EYA4: variants seen among roughly 807,000 people sequenced by gnomAD.
EYA4 encodes the protein EYA transcriptional coactivator and phosphatase 4.
A neutral mutation model predicts 87.9 loss-of-function variants in EYA4; 31 were observed. The observed-to-expected ratio is 0.35, with a 90% CI of 0.27 to 0.48. The LOEUF (loss-of-function observed/expected upper bound fraction) is 0.48, where lower values mean the gene tolerates loss of function less well. EYA4 is among the 20% of genes least tolerant of loss of function. EYA4 has a pLI of 0.99. For missense variants in EYA4, 678 were observed against 761.4 expected, an observed-to-expected ratio of 0.89 and a Z score of 1.29; for synonymous variants, 263 against 270.6, an observed-to-expected ratio of 0.97 and a Z score of 0.28.
rs1794586746 is a variant in EYA4 at position 133,463,493 on chromosome 6, T to C, written c.724+729T>C. 1.3e-5 allele frequency among the ~76,000 whole-genome samples: 2 copies of C among 151,874 alleles called. 1 individual carries two copies. The highest frequency in any genetic ancestry group is 4.2e-4 in the South Asian group (2 of 4,818). On this transcript the variant is annotated intron_variant, in intron 9 of 19. Transcript: ENST00000355286. The stretch of plus-strand genomic sequence containing the variant: ...CTCCTGCCTCAGCCTCCTGAGTAGC[T>C]GGGATTACAGGTGTGCACCACCACA...
At chr6:133,382,274 G>A in intron 2 of EYA4, 118 bp from the exon 3 acceptor site, 3 of 783,648 alleles carry the variant, frequency 3.8e-6, no homozygotes, top group Non-Finnish European at 7.0e-6. Context: ...GCTGTAAAGT[G>A]TGGGGGGTAT....
intron 2 of EYA4, among the ~76,000 whole-genome samples, chr6:133,304,501 G>T (rs192422209): frequency 6.8e-4 from 104 of 152,280 alleles, no homozygotes; most frequent in Non-Finnish European, 1.1e-3. Context: ...AACAGAGGTG[G>T]GTGAGACAAT....
intron 3 of EYA4, among the ~76,000 whole-genome samples, chr6:133,390,959 A>G (rs958798650): frequency 1.3e-5 from 2 of 152,198 alleles, no homozygotes; most frequent in African/African-American, 4.8e-5. Context: ...GAGAACTCAC[A>G]GTGAGGTACA....
intron 2 of EYA4, among the ~76,000 whole-genome samples, chr6:133,319,301 A>AG (rs1780868270): frequency 2.6e-5 from 4 of 152,252 alleles, no homozygotes; most frequent in African/African-American, 9.6e-5. Flanking sequence ...TGCATGCAGA[A>AG]TTAGCAGTTA....
chr6:133,307,115 G>T (rs1447888221), intron 2 of EYA4, among the ~76,000 whole-genome samples: 1 of 152,186 alleles, frequency 6.6e-6, no homozygotes, highest in Non-Finnish European at 1.5e-5. Flanking sequence ...CCAGGATCCA[G>T]CACATGATGA....
intron 1 of EYA4, among the ~76,000 whole-genome samples, chr6:133,272,292 C>T (rs893950601): frequency 1.3e-5 from 2 of 152,162 alleles, no homozygotes; most frequent in African/African-American, 4.8e-5. Context: ...ATGAGGGCAT[C>T]GATGCAGCCT....
chr6:133,521,972 G>C (rs1173850079), intron 17 of EYA4, among the ~76,000 whole-genome samples: 2 of 105,410 alleles, frequency 1.9e-5, no homozygotes, highest in Non-Finnish European at 3.9e-5. Context: ...TTGTGGGGTG[G>C]GGGGAGGGGG....
chr6:133,265,636 C>T (rs1332136453), intron 1 of EYA4, among the ~76,000 whole-genome samples: 4 of 152,012 alleles, frequency 2.6e-5, no homozygotes, highest in Admixed American at 6.6e-5. Flanking sequence ...TCACTAGGCT[C>T]ATAATATTTT....
intron 14 of EYA4, among the ~76,000 whole-genome samples, chr6:133,507,486 A>G (rs1446149084): frequency 1.3e-5 from 2 of 152,112 alleles, no homozygotes; most frequent in Non-Finnish European, 2.9e-5. Context: ...TCAACCCGTC[A>G]TCTACATTAG....
At chr6:133,506,933 G>T (rs970217726) in intron 14 of EYA4, among the ~76,000 whole-genome samples, 3 of 152,124 alleles carry the variant, frequency 2.0e-5, no homozygotes, top group Admixed American at 2.0e-4. Context: ...AATAGTTCAG[G>T]TTCTTGGCAG....
intron 4 of EYA4, among the ~76,000 whole-genome samples, chr6:133,447,834 G>A (rs1438753675): frequency 2.0e-5 from 3 of 152,124 alleles, no homozygotes; most frequent in African/African-American, 7.2e-5. Context: ...ATTTAGTGAT[G>A]AAAACTAGAG....
intron 17 of EYA4, among the ~76,000 whole-genome samples, chr6:133,519,451 G>T (rs928197043): frequency 1.3e-4 from 19 of 150,928 alleles, no homozygotes; most frequent in African/African-American, 4.6e-4. Context: ...CCAGGAAGAA[G>T]TTGAATCTCT....
At chr6:133,268,674 C>G (rs572929767) in intron 1 of EYA4, among the ~76,000 whole-genome samples, 1 of 152,136 alleles carries the variant, frequency 6.6e-6, no homozygotes, top group Admixed American at 6.5e-5. Context: ...TTACTTGGGC[C>G]AGGGGACAGT....
chr6:133,338,376 A>T (rs72993988), intron 2 of EYA4, among the ~76,000 whole-genome samples: 5,965 of 152,278 alleles, frequency 0.039, 169 homozygotes, highest in Middle Eastern at 0.078. Context: ...GAATGAAATA[A>T]TTACTTTTTG....
At chr6:133,396,911 G>A (rs1461067133) in intron 3 of EYA4, among the ~76,000 whole-genome samples, 1 of 152,160 alleles carries the variant, frequency 6.6e-6, no homozygotes, top group East Asian at 1.9e-4. Context: ...CAAACTCCCT[G>A]CCGTGTTTTC....
Position 133,481,546 on chromosome 6 carries a change from A to G in EYA4, c.1054A>G (p.Arg352Gly), listed in dbSNP as rs1257794630. The G allele has an allele frequency of 1.2e-6, 2 of 1,614,080 alleles. No homozygotes were observed. Among genetic ancestry groups the G allele is most frequent in the Non-Finnish European group, 1.7e-6 (2 of 1,179,972 alleles). Residue 352 changes from arginine (R) to glycine (G), a missense_variant, in exon 12 of 20, where the codon AGA (arginine) becomes GGA (glycine). By Grantham distance (125) the Arg-to-Gly change is moderately radical. Coordinates refer to ENST00000355286, the MANE Select transcript of EYA4 (RefSeq NM_004100.5). ...CTGTAGGAGTTCTGGGTCAAAGTCC[A>G]GAGGAAGAGGCCGGAAAAATAATCC... is the stretch of plus-strand genomic sequence containing the variant. ...RTCRSSGSKS[R>G]GRGRKNNPSP...
At chr6:133,332,711 A>ATTTTTTTTTTTTTTTTTTTT (rs71003634) in intron 2 of EYA4, among the ~76,000 whole-genome samples, 2 of 124,892 alleles carry the variant, frequency 1.6e-5, no homozygotes, top group Non-Finnish European at 1.6e-5. Context: ...GCCCAGCTAA[A>ATTTTTTTTTTTTTTTTTTTT]TTTTTTTTTT....
intron 3 of EYA4, among the ~76,000 whole-genome samples, chr6:133,401,382 T>C (rs975430144): frequency 2.1e-5 from 2 of 97,474 alleles, no homozygotes; most frequent in African/African-American, 5.0e-5. Flanking sequence ...CATTTCAAAA[T>C]CTCTAAAAGA....
chr6:133,450,227 G>A lies in EYA4; in HGVS notation c.277+2048G>A, dbSNP rs548830143. On this transcript the variant is annotated intron_variant, in intron 5 of 19. Transcript: ENST00000355286. ...GTCTCGATCTCCTGACTTCGTGATCGGCCCGCCTCAGCCTCCCGAAGTGCT... is the reference window on the plus strand; with the variant it reads ...GTCTCGATCTCCTGACTTCGTGATCAGCCCGCCTCAGCCTCCCGAAGTGCT... Among the ~76,000 whole-genome samples, 143 of 152,038 alleles carry A rather than the reference G, an allele frequency of 9.4e-4. 2 individuals are homozygous for A. The highest frequency in any genetic ancestry group is 2.3e-3 in the African/African-American group (95 of 41,480).
Sources: allele counts gnomAD v4.1 joint callset (sites outside exome capture counted in the v4.1 genomes callset), GRCh38; gene constraint gnomAD v4.1.1; transcripts MANE v1.5; gene names NCBI Gene and HGNC (gene_info 2026-07-23, HGNC 2026-07-21).